The following WNT11 variants were observed in gnomAD, a reference collection of about 807,000 sequenced individuals.
WNT11 encodes the protein protein Wnt-11.
In WNT11, 20 loss-of-function variants were observed where a neutral mutation model predicts 35.6. That is an observed-to-expected ratio of 0.56 (90% CI 0.40 to 0.82). The LOEUF (loss-of-function observed/expected upper bound fraction) is 0.82. Among genes scored for constraint, WNT11 ranks in the 40% least tolerant of loss-of-function variants. The probability of loss-of-function intolerance (pLI) is 0.00; values close to 1 mark genes in which losing one functional copy is unlikely to be tolerated. For missense variants in WNT11, 459 were observed against 504.4 expected, an observed-to-expected ratio of 0.91 and a Z score of 0.86; for synonymous variants, 200 against 211.9, an observed-to-expected ratio of 0.94 and a Z score of 0.49.
chr11:76,195,880 G>T (rs1051792792), intron 2 of WNT11, among the ~76,000 whole-genome samples: 1 of 152,198 alleles, frequency 6.6e-6, no homozygotes, highest in African/African-American at 2.4e-5. Flanking sequence ...CACAAGAAAA[G>T]TTATCATAGT....
chr11:76,208,995 A>G (rs1408971414), upstream of WNT11, among the ~76,000 whole-genome samples: 4 of 152,258 alleles, frequency 2.6e-5, no homozygotes, highest in Admixed American at 1.3e-4. Context: ...GGAGGGGGGA[A>G]TCGCGGCTGC....
chr11:76,190,070 CGGGAG>C (rs1338411323), intron 4 of WNT11, among the ~76,000 whole-genome samples: 1 of 151,130 alleles, frequency 6.6e-6, no homozygotes, highest in Non-Finnish European at 1.5e-5. Flanking sequence ...GGAGACTGCC[CGGGAG>C]GGGAGGGGAG....
At position 76,187,256 on chromosome 11, in the gene WNT11, A is replaced by G. The variant is rs1347758766; in HGVS notation, c.891-17T>C. On this transcript the variant is annotated splice_polypyrimidine_tract_variant and intron_variant, in intron 4 of 4. Transcript: ENST00000322563. ...TTGCACTGCCTATTGTGGGGGCAGG[A>G]AGGAGGTCAGTGCATGCCTTGGTCA... 6.9e-6 allele frequency: 11 copies of G among 1,597,900 alleles called. No individual in the cohort carries two copies. The African/African-American group carries it at 1.5e-4, about 21-fold the overall frequency.
At chr11:76,191,466 A>G in intron 4 of WNT11, 98 bp downstream of exon 4, 1 of 1,372,466 alleles carries the variant, frequency 7.3e-7, no homozygotes, top group South Asian at 1.3e-5. Flanking sequence ...CATTCCCCAC[A>G]TGCCACCTGA....
intron 3 of WNT11, among the ~76,000 whole-genome samples, chr11:76,192,497 A>G (rs1953201933): frequency 6.6e-6 from 1 of 152,194 alleles, no homozygotes; most frequent in African/African-American, 2.4e-5. Flanking sequence ...CCACATCGCC[A>G]CTCAGGGCCT....
At chr11:76,189,932 AGG>A (rs1347982221) in intron 4 of WNT11, among the ~76,000 whole-genome samples, 2 of 152,202 alleles carry the variant, frequency 1.3e-5, no homozygotes, top group Non-Finnish European at 2.9e-5. Flanking sequence ...GGGAGCCGCA[AGG>A]CAGGAAACCT....
intron 4 of WNT11, among the ~76,000 whole-genome samples, chr11:76,187,580 G>A (rs71469509): frequency 0.11 from 13,282 of 118,222 alleles, 713 homozygotes; most frequent in Middle Eastern, 0.14. Flanking sequence ...CCAGGCCCCC[G>A]GCTCAAGTGC....
intron 1 of WNT11, among the ~76,000 whole-genome samples, chr11:76,204,473 C>T (rs573598666): frequency 1.2e-4 from 18 of 152,326 alleles, no homozygotes; most frequent in African/African-American, 3.8e-4. Flanking sequence ...CTGCTTTGCA[C>T]TCCGTCTCTG....
At chr11:76,202,984 C>T (rs1285012248) in intron 1 of WNT11, among the ~76,000 whole-genome samples, 1 of 152,246 alleles carries the variant, frequency 6.6e-6, no homozygotes, top group Non-Finnish European at 1.5e-5. Flanking sequence ...TGCTGACCCA[C>T]CTGTGCAGCC....
intron 1 of WNT11, among the ~76,000 whole-genome samples, chr11:76,199,744 T>C (rs563417538): frequency 4.6e-5 from 7 of 152,256 alleles, no homozygotes; most frequent in African/African-American, 1.4e-4. Context: ...TGAGCCAAGA[T>C]TGTGACACTG....
Position 76,202,305 on chromosome 11 carries a change from G to A in WNT11, c.83+4020C>T, listed in dbSNP as rs535099984. 9.2e-5 allele frequency among the ~76,000 whole-genome samples: 14 copies of A among 152,290 alleles called. No homozygotes were observed. The South Asian group carries it at 1.2e-3, about 14-fold the overall frequency. On this transcript the variant is annotated intron_variant, in intron 1 of 4. Coordinates refer to ENST00000322563, the MANE Select transcript of WNT11 (RefSeq NM_004626.3). ...TGAGGAGGATGCTGATGAGGGCTGC[G>A]GGCTGGCTTAGGGACTCAGTCTTGC...
At chr11:76,201,040 G>A (rs920701355) in intron 1 of WNT11, among the ~76,000 whole-genome samples, 1 of 152,218 alleles carries the variant, frequency 6.6e-6, no homozygotes, top group African/African-American at 2.4e-5. Flanking sequence ...TGCTCCTGGT[G>A]CCTGGGTCTC....
intron 1 of WNT11, among the ~76,000 whole-genome samples, chr11:76,205,384 G>GC (rs1953455776): frequency 6.6e-6 from 1 of 151,704 alleles, no homozygotes; most frequent in Non-Finnish European, 1.5e-5. Flanking sequence ...CTCTCAGGGA[G>GC]CCCCTCTGCC....
upstream of WNT11, chr11:76,210,373 T>A: frequency 1.0e-6 from 1 of 957,066 alleles, no homozygotes; most frequent in African/African-American, 1.8e-5. Flanking sequence ...AAGGGGGTCG[T>A]GGCGGGTGCG....
chr11:76,202,413 C>T (rs1049470562), intron 1 of WNT11, among the ~76,000 whole-genome samples: 1 of 152,170 alleles, frequency 6.6e-6, no homozygotes. Flanking sequence ...ATCCTGTTCT[C>T]CCAACCAGAC....
chr11:76,186,518 A>G lies in WNT11; in HGVS notation c.*547T>C, dbSNP rs1259640561. 1 of 152,078 alleles carries G rather than the reference A, an allele frequency of 6.6e-6. No individual in the cohort carries two copies. The highest frequency in any genetic ancestry group is 2.4e-5 in the African/African-American group (1 of 41,118). The allele number at this position is 152,078 out of a possible 1,614,324, so 9.4% of individuals were successfully genotyped here. A position where few individuals can be genotyped will look rare whatever the true frequency, so the allele number is the denominator to read the frequency against. On this transcript the variant is annotated 3_prime_UTR_variant, in exon 5 of 5. Coordinates refer to ENST00000322563, the MANE Select transcript of WNT11 (RefSeq NM_004626.3). ...TATATATATAAAATATATAAAGAGG[A>G]ATTGAGAAGTGCCACCCCAAAGAAA...
upstream of WNT11, among the ~76,000 whole-genome samples, chr11:76,207,992 A>T (rs1209117300): frequency 6.6e-6 from 1 of 152,150 alleles, no homozygotes; most frequent in Non-Finnish European, 1.5e-5. Context: ...GAGTTGGAAA[A>T]GGAGGCGCCC....
In WNT11 at chr11:76,192,171, A is replaced by C. The variant is rs528035003; in HGVS notation, c.598-315T>G. 5.3e-5 allele frequency among the ~76,000 whole-genome samples: 8 copies of C among 152,310 alleles called. No individual in the cohort carries two copies. The East Asian group carries it at 1.5e-3, about 29-fold the overall frequency. On this transcript the variant is annotated intron_variant, in intron 3 of 4. Coordinates refer to ENST00000322563, the MANE Select transcript of WNT11 (RefSeq NM_004626.3). ...ACAACGGCCCAAGGGAGGTATCCTT[A>C]CTTCCCCCATTTTAAAAAGAAGAAA...
At position 76,205,158 on chromosome 11, in the gene WNT11, C is replaced by G. The variant is rs183268178; in HGVS notation, c.83+1167G>C. ...GGAAGACGGGGTTCCCTCCTCGAATCGTCAATTAATCAATAACTTGGCCTG... is the reference window on the plus strand; with the variant it reads ...GGAAGACGGGGTTCCCTCCTCGAATGGTCAATTAATCAATAACTTGGCCTG... On this transcript the variant is annotated intron_variant, in intron 1 of 4. Transcript: ENST00000322563. 2.6e-5 allele frequency among the ~76,000 whole-genome samples: 4 copies of G among 152,302 alleles called. No individual in the cohort carries two copies. In the East Asian group the frequency reaches 7.7e-4, roughly 29 times the overall value.
Sources: gnomAD v4.1 joint callset for allele counts (sites outside exome capture counted in the v4.1 genomes callset) on GRCh38, gnomAD v4.1.1 for gene constraint, MANE v1.5 for transcripts, NCBI Gene and HGNC (gene_info 2026-07-23, HGNC 2026-07-21) for gene names.